The following EPHA4 variants were observed in gnomAD, a reference collection of about 807,000 sequenced individuals.
EPHA4 encodes the protein ephrin type-A receptor 4.
EPHA4 carries 19 observed loss-of-function variants against 108.3 expected under a neutral mutation model. The observed-to-expected ratio is 0.18, with a 90% CI of 0.12 to 0.26. The LOEUF (loss-of-function observed/expected upper bound fraction) is 0.26, where lower values mean the gene tolerates loss of function less well. EPHA4 is among the 10% of genes least tolerant of loss of function. The pLI, the probability that EPHA4 is intolerant of heterozygous loss-of-function variation, is 1.00. For synonymous variants in EPHA4, 449 were observed against 455.5 expected (o/e 0.99, Z 0.18); for missense variants, 917 against 1,254.0 (o/e 0.73, Z 4.06).
chr2:221,456,623 T>C lies in EPHA4; in HGVS notation c.1593A>G (p.Thr531=). ...YGDFSEPLEV[T]TNTVPSRIIG... is the part of the protein sequence containing the mutation. ...GGTGGTCCTTGTTACCTGTGTTGGT[T>C]GTAACCTCCAAGGGCTCACTGAAGT... The change falls in exon 7 of 18, where the codon ACA becomes ACG. Residue 531 remains threonine, a synonymous_variant. Transcript: ENST00000281821. The C allele has an allele frequency of 6.2e-7, 1 of 1,613,864 alleles. No homozygotes were observed. Among genetic ancestry groups the C allele is most frequent in the Non-Finnish European group, 8.5e-7 (1 of 1,179,812 alleles).
At chr2:221,537,688 G>T (rs886526531) in intron 3 of EPHA4, among the ~76,000 whole-genome samples, 2 of 152,232 alleles carry the variant, frequency 1.3e-5, no homozygotes, top group Non-Finnish European at 2.9e-5. Flanking sequence ...TACTCAGGAG[G>T]CTGAGGCCGG....
chr2:221,451,466 G>A (rs1232660978), intron 8 of EPHA4, among the ~76,000 whole-genome samples: 1 of 152,068 alleles, frequency 6.6e-6, no homozygotes, highest in African/African-American at 2.4e-5. Context: ...ATAGAAAAGT[G>A]GTTATGTTGT....
intron 3 of EPHA4, among the ~76,000 whole-genome samples, chr2:221,503,833 T>C (rs1445545087): frequency 6.6e-6 from 1 of 151,972 alleles, no homozygotes; most frequent in Non-Finnish European, 1.5e-5. Context: ...TCTCAAAATA[T>C]AGTAGTGGCT....
chr2:221,533,597 G>A (rs898020333), intron 3 of EPHA4, among the ~76,000 whole-genome samples: 1 of 151,942 alleles, frequency 6.6e-6, no homozygotes, highest in East Asian at 1.9e-4. Flanking sequence ...ATTACAGCAC[G>A]CTGAACGAGT....
chr2:221,507,118 A>T (rs1692654141), intron 3 of EPHA4, among the ~76,000 whole-genome samples: 1 of 152,176 alleles, frequency 6.6e-6, no homozygotes, highest in Non-Finnish European at 1.5e-5. Context: ...ATCTTGTAGG[A>T]CATGTTCATT....
At chr2:221,466,782 T>C (rs1691326061) in intron 5 of EPHA4, among the ~76,000 whole-genome samples, 1 of 152,156 alleles carries the variant, frequency 6.6e-6, no homozygotes, top group Non-Finnish European at 1.5e-5. Context: ...TTTGAATAAC[T>C]TGCTCCAAGT....
chr2:221,507,477 A>G (rs1692666057), intron 3 of EPHA4, among the ~76,000 whole-genome samples: 1 of 152,098 alleles, frequency 6.6e-6, no homozygotes, highest in Non-Finnish European at 1.5e-5. Context: ...TTAATTTTAC[A>G]TTTACATTGT....
chr2:221,540,830 T>C (rs1693814805), intron 3 of EPHA4, among the ~76,000 whole-genome samples: 2 of 151,814 alleles, frequency 1.3e-5, no homozygotes, highest in African/African-American at 2.4e-5. Context: ...CTCACTGACA[T>C]AGGCAACAGA....
intron 3 of EPHA4, among the ~76,000 whole-genome samples, chr2:221,531,451 G>C (rs531591490): frequency 6.6e-6 from 1 of 151,982 alleles, no homozygotes; most frequent in South Asian, 2.1e-4. Context: ...CAAAATTCCT[G>C]GCAGCCCTTA....
chr2:221,480,018 T>A (rs1227255802), intron 5 of EPHA4, among the ~76,000 whole-genome samples: 2 of 152,160 alleles, frequency 1.3e-5, no homozygotes, highest in African/African-American at 2.4e-5. Flanking sequence ...AGAAGAATTA[T>A]ACCTACATTT....
chr2:221,482,350 A>G lies in EPHA4; in HGVS notation c.1318+2T>C. 6.3e-7 allele frequency: 1 copy of G among 1,594,758 alleles called. No homozygotes were observed. Among genetic ancestry groups the G allele is most frequent in the Non-Finnish European group, 8.6e-7 (1 of 1,167,704 alleles). On this transcript the variant is annotated splice_donor_variant, in intron 5 of 17. Coordinates refer to ENST00000281821, the MANE Select transcript of EPHA4 (RefSeq NM_004438.5). LOFTEE classifies it high-confidence loss of function. ...ATACAATAAAGTAGATTCAATTCCT[A>G]CCTGCTTGGTTGGTGGTCACAGTGA...
chr2:221,566,503 T>C (rs1419069123), intron 2 of EPHA4, among the ~76,000 whole-genome samples: 1 of 152,166 alleles, frequency 6.6e-6, no homozygotes, highest in African/African-American at 2.4e-5. Context: ...AATTAAACTT[T>C]ATAACTTGAC....
intron 3 of EPHA4, among the ~76,000 whole-genome samples, chr2:221,558,831 T>A (rs1370324062): frequency 6.6e-6 from 1 of 152,196 alleles, no homozygotes; most frequent in African/African-American, 2.4e-5. Context: ...ATTTTTTCAA[T>A]GATCACAGCC....
intron 11 of EPHA4, among the ~76,000 whole-genome samples, chr2:221,439,290 A>T (rs1690340029): frequency 6.7e-6 from 1 of 149,910 alleles, no homozygotes; most frequent in Non-Finnish European, 1.5e-5. Context: ...TAGTTCTCAG[A>T]TTCATTTACC....
At chr2:221,440,724 TAACCACTC>T (rs1326786834) in intron 11 of EPHA4, among the ~76,000 whole-genome samples, 1 of 152,082 alleles carries the variant, frequency 6.6e-6, no homozygotes, top group Non-Finnish European at 1.5e-5. Flanking sequence ...GCTATTGTGG[TAACCACTC>T]TAAGTATTCT....
At chr2:221,499,527 A>G (rs981457253) in intron 4 of EPHA4, among the ~76,000 whole-genome samples, 7 of 149,788 alleles carry the variant, frequency 4.7e-5, no homozygotes, top group Non-Finnish European at 7.4e-5. Context: ...CAATTTGAAT[A>G]TAAAGTCAGA....
intron 5 of EPHA4, among the ~76,000 whole-genome samples, chr2:221,478,566 T>C (rs985779039): frequency 6.6e-6 from 1 of 152,208 alleles, no homozygotes; most frequent in Non-Finnish European, 1.5e-5. Flanking sequence ...TTTTACTGGG[T>C]ACGACTTCAG....
At position 221,455,619 on chromosome 2, in the gene EPHA4, A is replaced by G. The variant is rs779294936; in HGVS notation, c.1643T>C (p.Val548Ala). 4.3e-6 allele frequency: 7 copies of G among 1,613,896 alleles called. No individual in the cohort carries two copies. The highest frequency in any genetic ancestry group is 5.9e-6 in the Non-Finnish European group (7 of 1,179,886). The change falls in exon 8 of 18, where the codon GTC becomes GCC. Residue 548 changes from valine to alanine, a missense_variant. Around this residue, in one of 3 missense-constraint regions of EPHA4, gnomAD observed 758 missense variants for 1,076.7 expected, o/e 0.70. Transcript: ENST00000281821. The part of the protein sequence containing the change: ...RIIGDGANST[V>A]LLVSVSGSVV... ...ACTGCCCGAGACAGAGACCAGAAGGACTGTGGAGTTAGCCCCATCTCCAAT... is the reference window on the plus strand; with the variant it reads ...ACTGCCCGAGACAGAGACCAGAAGGGCTGTGGAGTTAGCCCCATCTCCAAT...
intron 17 of EPHA4, among the ~76,000 whole-genome samples, chr2:221,421,463 T>C (rs975251486): frequency 2.0e-5 from 3 of 152,136 alleles, no homozygotes; most frequent in African/African-American, 7.2e-5. Context: ...AGAGGGAACA[T>C]GGGACACAGG....
Sources: allele counts gnomAD v4.1 joint callset (sites outside exome capture counted in the v4.1 genomes callset), GRCh38; gene constraint gnomAD v4.1.1; regional missense constraint gnomAD v4.1.1; transcripts MANE v1.5; gene names NCBI Gene and HGNC (gene_info 2026-07-23, HGNC 2026-07-21).